Variants in STAT3 observed in about 807,000 individuals in gnomAD.
The protein encoded by STAT3 is signal transducer and activator of transcription 3, also known as DNA-binding protein APRF.
STAT3 carries 7 observed loss-of-function variants against 114.3 expected under a neutral mutation model. The observed-to-expected ratio is 0.06, with a 90% CI of 0.03 to 0.11. The LOEUF is 0.11. Ranked by LOEUF, STAT3 falls within the 10% of genes least tolerant of loss-of-function variation. The pLI, the probability that STAT3 is intolerant of heterozygous loss-of-function variation, is 1.00. For missense variants in STAT3, 364 were observed against 960.9 expected (o/e 0.38, Z 8.21); for synonymous variants, 331 against 354.5 (o/e 0.93, Z 0.74).
chr17:42,384,932 C>T (rs1371921905), intron 1 of STAT3, among the ~76,000 whole-genome samples: 1 of 152,160 alleles, frequency 6.6e-6, no homozygotes, highest in African/African-American at 2.4e-5. Context: ...CTAGACAACT[C>T]CAGGCCTCAT....
In STAT3 at chr17:42,330,631, G is replaced by A. The variant is rs926177552; in HGVS notation, c.1109+841C>T. On this transcript the variant is annotated intron_variant, in intron 11 of 23. Transcript: ENST00000264657. The stretch of plus-strand genomic sequence containing the variant: ...TTTTTAGTAGAGACGGGGTTTCACC[G>A]TGTTACCCAGGATGGTCTCGATCTC... Among the ~76,000 whole-genome samples, 6 of 150,580 alleles carry A rather than the reference G, an allele frequency of 4.0e-5. No individual in the cohort carries two copies. In the South Asian group the frequency reaches 6.3e-4, roughly 16 times the overall value.
At chr17:42,382,164 T>C (rs2084834475) in intron 1 of STAT3, among the ~76,000 whole-genome samples, 1 of 152,188 alleles carries the variant, frequency 6.6e-6, no homozygotes, top group East Asian at 1.9e-4. Flanking sequence ...TATTCAGGTG[T>C]TCCCATCTGA....
At chr17:42,318,781 T>C (rs749132233) in intron 21 of STAT3, among the ~76,000 whole-genome samples, 2 of 152,172 alleles carry the variant, frequency 1.3e-5, no homozygotes, top group Non-Finnish European at 2.9e-5. Context: ...GAGTGGCTCT[T>C]GGGCTGCCAT....
chr17:42,334,072 G>A, intron 8 of STAT3, 23 bp from the exon 9 acceptor site: 1 of 1,613,716 alleles, frequency 6.2e-7, no homozygotes, highest in South Asian at 1.1e-5. Context: ...TAAGAAAGAT[G>A]CTAATTACCA....
At chr17:42,362,374 G>A (rs915860229) in intron 1 of STAT3, among the ~76,000 whole-genome samples, 1 of 152,120 alleles carries the variant, frequency 6.6e-6, no homozygotes, top group African/African-American at 2.4e-5. Flanking sequence ...AATGCATAGG[G>A]GGCCATGGCA....
Position 42,333,779 on chromosome 17 carries a change from A to G in STAT3, c.957-14T>C, listed in dbSNP as rs767645094. On this transcript the variant is annotated splice_polypyrimidine_tract_variant and intron_variant, in intron 9 of 23. Coordinates refer to ENST00000264657, the MANE Select transcript of STAT3 (RefSeq NM_139276.3). The surrounding 1 kb of genome is among the most constrained non-coding windows in gnomAD (Gnocchi z 5.2). ...ACCACAAAGGCACTGAGGAAAGAGA[A>G]GATGGGCTCACGCGCCACGGCCATG... The G allele has an allele frequency of 6.8e-6, 11 of 1,614,106 alleles. No homozygotes were observed. The Admixed American group carries it at 1.2e-4, about 17-fold the overall frequency.
chr17:42,383,968 C>T (rs1007385936), intron 1 of STAT3, among the ~76,000 whole-genome samples: 3 of 152,188 alleles, frequency 2.0e-5, no homozygotes, highest in African/African-American at 7.2e-5. Flanking sequence ...CAATGTCAGA[C>T]TCCAGTTAAT....
intron 1 of STAT3, among the ~76,000 whole-genome samples, chr17:42,350,182 A>C (rs1052512606): frequency 6.6e-6 from 1 of 152,252 alleles, no homozygotes; most frequent in African/African-American, 2.4e-5. Flanking sequence ...GAGACTGAAC[A>C]CACGCAAACA....
rs191872893 is a variant in STAT3, at chr17:42,334,374, G to A, written c.798-325C>T. 1.3e-3 allele frequency among the ~76,000 whole-genome samples: 203 copies of A among 151,380 alleles called. 2 individuals are homozygous for A. Among genetic ancestry groups the A allele is most frequent in the Admixed American group, 9.5e-3 (144 of 15,210 alleles). ...CGGCTCACTGCAACCTCCATTTCCC[G>A]GGTTCAAGTGATTCTCCTGCCTGAG... is the stretch of plus-strand genomic sequence containing the variant. On this transcript the variant is annotated intron_variant, in intron 8 of 23. Coordinates refer to ENST00000264657, the MANE Select transcript of STAT3 (RefSeq NM_139276.3).
intron 10 of STAT3, among the ~76,000 whole-genome samples, chr17:42,332,013 C>T (rs931516469): frequency 3.3e-5 from 5 of 151,782 alleles, no homozygotes; most frequent in Admixed American, 2.0e-4. Context: ...CCGCAACCTC[C>T]GCCTCCTGGG....
intron 1 of STAT3, among the ~76,000 whole-genome samples, chr17:42,374,853 A>C (rs2084366778): frequency 6.6e-6 from 1 of 152,220 alleles, no homozygotes; most frequent in Non-Finnish European, 1.5e-5. Flanking sequence ...CATCTCTGCT[A>C]TCTGATCTCT....
At chr17:42,329,058 T>C (rs1275950708) in intron 14 of STAT3, among the ~76,000 whole-genome samples, 1 of 152,122 alleles carries the variant, frequency 6.6e-6, no homozygotes, top group Non-Finnish European at 1.5e-5. Flanking sequence ...GCACTAAAAA[T>C]GGAGCCAAGC....
At chr17:42,347,976 A>C (rs928585564) in intron 2 of STAT3, among the ~76,000 whole-genome samples, 4 of 152,212 alleles carry the variant, frequency 2.6e-5, no homozygotes, top group Admixed American at 2.6e-4. Context: ...TTGAGAACAG[A>C]CTAATACACC....
intron 1 of STAT3, among the ~76,000 whole-genome samples, chr17:42,377,753 C>T (rs779380568): frequency 2.0e-5 from 3 of 152,146 alleles, no homozygotes; most frequent in Non-Finnish European, 2.9e-5. Context: ...TACTACAAAT[C>T]TGTGGTTAAG....
At chr17:42,371,241 T>G (rs1182842751) in intron 1 of STAT3, among the ~76,000 whole-genome samples, 1 of 152,020 alleles carries the variant, frequency 6.6e-6, no homozygotes, top group East Asian at 1.9e-4. Context: ...TTTGGGCAAG[T>G]AGACAGGAGA....
At chr17:42,357,842 T>A (rs1329458343) in intron 1 of STAT3, among the ~76,000 whole-genome samples, 1 of 152,128 alleles carries the variant, frequency 6.6e-6, no homozygotes, top group African/African-American at 2.4e-5. Context: ...TTCATAGTTT[T>A]AAGTCCAAAT....
chr17:42,319,841 C>T (rs999347246), intron 21 of STAT3, among the ~76,000 whole-genome samples: 4 of 152,154 alleles, frequency 2.6e-5, no homozygotes, highest in Admixed American at 6.5e-5. Flanking sequence ...CCCCCACACC[C>T]GTCACCACAC....
intron 4 of STAT3, among the ~76,000 whole-genome samples, chr17:42,341,319 T>C (rs10153241): frequency 0.074 from 11,299 of 152,248 alleles, 1,415 homozygotes; most frequent in African/African-American, 0.26. Flanking sequence ...CCCTGTGCCT[T>C]GGTCACCCCA....
chr17:42,329,520 A>T (rs2144770293), intron 13 of STAT3, 34 bp downstream of exon 13: 6 of 1,614,150 alleles, frequency 3.7e-6, no homozygotes, highest in Non-Finnish European at 5.1e-6. Flanking sequence ...CGGCAGCCAG[A>T]GGCCCTTTGT....
Sources: gnomAD v4.1 joint callset for allele counts (sites outside exome capture counted in the v4.1 genomes callset) on GRCh38, gnomAD v4.1.1 for gene constraint, Gnocchi (gnomAD v3.1) non-coding constraint, MANE v1.5 for transcripts, NCBI Gene and HGNC (gene_info 2026-07-23, HGNC 2026-07-21) for gene names.